SUSD5: variants seen among roughly 807,000 people sequenced by gnomAD.
SUSD5 encodes the protein sushi domain containing 5.
A neutral mutation model predicts 29.5 loss-of-function variants in SUSD5; 33 were observed. That is an observed-to-expected ratio of 1.12 (90% CI 0.85 to 1.49). The LOEUF is 1.49. Ranked by LOEUF, SUSD5 falls within the 40% of genes most tolerant of loss-of-function variation. SUSD5 has a pLI of 0.00. For synonymous variants in SUSD5, 308 were observed against 325.3 expected (o/e 0.95, Z 0.57); for missense variants, 776 against 800.6 (o/e 0.97, Z 0.37).
chr3:33,187,553 T>A (rs938913718), intron 3 of SUSD5, among the ~76,000 whole-genome samples: 1 of 152,146 alleles, frequency 6.6e-6, no homozygotes, highest in African/African-American at 2.4e-5. Flanking sequence ...AATCTTCTCA[T>A]CTTGAACCTC....
chr3:33,171,579 G>A (rs1030809074), intron 4 of SUSD5, among the ~76,000 whole-genome samples: 28 of 152,192 alleles, frequency 1.8e-4, no homozygotes, highest in African/African-American at 6.7e-4. Context: ...CAGCTCTATC[G>A]TTTGTGTCTT....
intron 3 of SUSD5, among the ~76,000 whole-genome samples, chr3:33,177,504 T>C (rs1005100155): frequency 1.3e-5 from 2 of 152,170 alleles, no homozygotes; most frequent in South Asian, 2.1e-4. Flanking sequence ...TAACATGGTG[T>C]TTTTTGGCTT....
At chr3:33,209,975 T>C (rs187213262) in intron 2 of SUSD5, among the ~76,000 whole-genome samples, 51 of 152,364 alleles carry the variant, frequency 3.3e-4, no homozygotes, top group African/African-American at 1.2e-3. Flanking sequence ...ATGTCAAGGA[T>C]AGTTATTTTA....
intron 3 of SUSD5, among the ~76,000 whole-genome samples, chr3:33,192,290 A>C (rs1270300624): frequency 7.0e-6 from 1 of 143,856 alleles, no homozygotes; most frequent in Non-Finnish European, 1.5e-5. Context: ...TGGGGGTTTC[A>C]CCAAGTTGGT....
chr3:33,156,329 G>T (rs1170342125), intron 4 of SUSD5, among the ~76,000 whole-genome samples: 1 of 152,046 alleles, frequency 6.6e-6, no homozygotes, highest in South Asian at 2.1e-4. Flanking sequence ...ATGAGTCACC[G>T]CGCCCGGCCC....
At chr3:33,181,242 G>A (rs762641166) in intron 3 of SUSD5, among the ~76,000 whole-genome samples, 2 of 151,896 alleles carry the variant, frequency 1.3e-5, no homozygotes, top group African/African-American at 2.4e-5. Context: ...ATACAGTAAC[G>A]TCCTAGGCCT....
chr3:33,166,782 A>G (rs2125617513), intron 4 of SUSD5, among the ~76,000 whole-genome samples: 1 of 152,372 alleles, frequency 6.6e-6, no homozygotes, highest in South Asian at 2.1e-4. Context: ...TCCATCAGCC[A>G]GGGCATCATT....
intron 3 of SUSD5, among the ~76,000 whole-genome samples, chr3:33,191,952 G>T (rs1575539408): frequency 2.0e-5 from 3 of 152,236 alleles, no homozygotes; most frequent in Admixed American, 2.0e-4. Context: ...AAACCCAAAA[G>T]AATTTATATA....
intron 3 of SUSD5, among the ~76,000 whole-genome samples, chr3:33,180,839 CAA>C (rs150992682): frequency 2.1e-5 from 3 of 144,432 alleles, no homozygotes; most frequent in Non-Finnish European, 3.0e-5. Flanking sequence ...GACTTTGCCT[CAA>C]AAAAAAAATT....
intron 3 of SUSD5, among the ~76,000 whole-genome samples, chr3:33,195,929 A>T (rs953402366): frequency 5.3e-5 from 8 of 152,206 alleles, no homozygotes; most frequent in Non-Finnish European, 1.0e-4. Context: ...TCATATTTAT[A>T]ATAGAAAATC....
chr3:33,195,622 C>T (rs1385340397), intron 3 of SUSD5, among the ~76,000 whole-genome samples: 2 of 152,042 alleles, frequency 1.3e-5, no homozygotes. Flanking sequence ...CATGGAATTA[C>T]CAAAACGTCT....
rs994238318 is a variant in SUSD5 at position 33,204,524 on chromosome 3, T to C, written c.409+3284A>G. Among the ~76,000 whole-genome samples the C allele has an allele frequency of 1.3e-5, 2 of 152,140 alleles. No homozygotes were observed. The highest frequency in any genetic ancestry group is 2.4e-5 in the African/African-American group (1 of 41,430). On this transcript the variant is annotated intron_variant, in intron 3 of 4. Coordinates refer to ENST00000309558, the MANE Select transcript of SUSD5 (RefSeq NM_015551.2). This position sits in a 1 kb window ranked among gnomAD's most constrained non-coding sequence, Gnocchi z 4.5. ...TTTTAGTAGAGACAGGGTTTCACCA[T>C]GTTAGCCAGGATGGTCTCGATCTCC...
At chr3:33,201,858 G>A (rs190713669) in intron 3 of SUSD5, among the ~76,000 whole-genome samples, 4 of 151,916 alleles carry the variant, frequency 2.6e-5, no homozygotes, top group African/African-American at 7.3e-5. Flanking sequence ...CTTCCTGTCC[G>A]CCATGTCCTA....
intron 3 of SUSD5, among the ~76,000 whole-genome samples, chr3:33,184,709 G>A (rs1200750799): frequency 6.6e-6 from 1 of 152,086 alleles, no homozygotes; most frequent in African/African-American, 2.4e-5. Context: ...GTCTACTGAT[G>A]AGCCTATTTC....
intron 2 of SUSD5, among the ~76,000 whole-genome samples, chr3:33,211,893 T>C (rs1370282140): frequency 6.6e-6 from 1 of 152,216 alleles, no homozygotes. Flanking sequence ...TTCTATAATC[T>C]ACTTTGAGTT....
intron 3 of SUSD5, among the ~76,000 whole-genome samples, chr3:33,184,157 C>A (rs555949203): frequency 6.6e-6 from 1 of 151,878 alleles, no homozygotes. Flanking sequence ...CCAGGCAGGT[C>A]TCGAACTCCT....
chr3:33,156,158 G>C (rs144406018), intron 4 of SUSD5, among the ~76,000 whole-genome samples: 35 of 151,166 alleles, frequency 2.3e-4, no homozygotes, highest in African/African-American at 8.0e-4. Context: ...CTCCTGCCTC[G>C]GCCTCCTGAG....
At chr3:33,183,673 A>C (rs920063978) in intron 3 of SUSD5, among the ~76,000 whole-genome samples, 1 of 151,904 alleles carries the variant, frequency 6.6e-6, no homozygotes, top group African/African-American at 2.4e-5. Context: ...CTTCACCTTC[A>C]CTTATTTATT....
At chr3:33,185,934 A>G (rs2031767692) in intron 3 of SUSD5, among the ~76,000 whole-genome samples, 1 of 149,010 alleles carries the variant, frequency 6.7e-6, no homozygotes, top group African/African-American at 2.4e-5. Flanking sequence ...CTGCTGCATC[A>G]AAGTAATGTT....
Sources: allele counts gnomAD v4.1 joint callset (sites outside exome capture counted in the v4.1 genomes callset), GRCh38; gene constraint gnomAD v4.1.1; non-coding constraint Gnocchi (gnomAD v3.1); transcripts MANE v1.5; gene names NCBI Gene and HGNC (gene_info 2026-07-23, HGNC 2026-07-21).